The following RFX2 variants were observed in gnomAD, a reference collection of about 807,000 sequenced individuals.
The protein encoded by RFX2 is DNA-binding protein RFX2.
RFX2 carries 20 observed loss-of-function variants against 87.8 expected under a neutral mutation model. The ratio of observed to expected loss-of-function variants is 0.23; its 90% CI spans 0.16 to 0.33. RFX2 has a LOEUF of 0.33. Among genes scored for constraint, RFX2 ranks in the 10% least tolerant of loss-of-function variants. The pLI is 1.00. For synonymous variants in RFX2, 397 were observed against 431.3 expected (o/e 0.92, Z 0.98); for missense variants, 767 against 1,012.3 (o/e 0.76, Z 3.29).
intron 5 of RFX2, among the ~76,000 whole-genome samples, chr19:6,035,848 GGGGT>G (rs1172617569): frequency 0.05 from 4,235 of 85,338 alleles, 128 homozygotes; most frequent in African/African-American, 0.17. Context: ...AGCTTGGTGG[GGGGT>G]GTGTGTGTGT....
chr19:6,055,859 C>G (rs76986027), intron 1 of RFX2, among the ~76,000 whole-genome samples: 2 of 152,274 alleles, frequency 1.3e-5, no homozygotes, highest in East Asian at 3.9e-4. Context: ...AGGAATACTA[C>G]TGGAATACTC....
At chr19:6,042,565 C>T (rs2087126649) in intron 3 of RFX2, among the ~76,000 whole-genome samples, 2 of 152,134 alleles carry the variant, frequency 1.3e-5, no homozygotes, top group African/African-American at 4.8e-5. Context: ...AGCTGGCGTG[C>T]AGGCTGCAGT....
chr19:6,002,277 T>G lies in RFX2; in HGVS notation c.1651-254A>C, dbSNP rs10416286. On this transcript the variant is annotated intron_variant, in intron 14 of 17. Coordinates refer to ENST00000303657, the MANE Select transcript of RFX2 (RefSeq NM_000635.4). This position sits in a 1 kb window ranked among gnomAD's most constrained non-coding sequence, Gnocchi z 6.7. ...CAAAGCTCATGCTATATGAGGTCTT[T>G]GTTTAGCTTTGTTTCAAAGGGGTCA... Among the ~76,000 whole-genome samples the G allele has an allele frequency of 6.6e-6, 1 of 152,254 alleles. No homozygotes were observed. The highest frequency in any genetic ancestry group is 6.5e-5 in the Admixed American group (1 of 15,292).
chr19:5,995,159 G>A (rs533834229), intron 17 of RFX2, among the ~76,000 whole-genome samples: 13 of 152,324 alleles, frequency 8.5e-5, no homozygotes, highest in South Asian at 4.1e-4. Context: ...CGGGCCAGGC[G>A]AAAGAGCCTC....
At chr19:6,108,501 CATT>C (rs968138003) in intron 1 of RFX2, among the ~76,000 whole-genome samples, 6 of 152,202 alleles carry the variant, frequency 3.9e-5, no homozygotes, top group African/African-American at 1.4e-4. Flanking sequence ...TGTTTTGTGT[CATT>C]ATTATTATTA....
rs2086743017 is a variant in RFX2 at position 6,017,410 on chromosome 19, G to A, written c.598-1139C>T. Among the ~76,000 whole-genome samples the A allele has an allele frequency of 6.6e-6, 1 of 152,184 alleles. No individual in the cohort carries two copies. Among genetic ancestry groups the A allele is most frequent in the Non-Finnish European group, 1.5e-5 (1 of 68,030 alleles). The stretch of plus-strand genomic sequence containing the variant: ...CCCACCAACTGATGCCCTCACCCAG[G>A]TGCCTTAAAGACTGCGGCTTAATTC... On this transcript the variant is annotated intron_variant, in intron 6 of 17. Coordinates refer to ENST00000303657, the MANE Select transcript of RFX2 (RefSeq NM_000635.4). The surrounding 1 kb of genome is among the most constrained non-coding windows in gnomAD (Gnocchi z 4.1).
intron 5 of RFX2, among the ~76,000 whole-genome samples, chr19:6,035,830 T>A (rs1028248791): frequency 6.7e-6 from 1 of 149,144 alleles, no homozygotes; most frequent in Non-Finnish European, 1.5e-5. Context: ...AGATGATGAC[T>A]CCCCCAGAGC....
Position 6,088,211 on chromosome 19 carries a change from CTTTTTT to C in RFX2, c.-9+22176_-9+22181del, listed in dbSNP as rs1030226963. Among the ~76,000 whole-genome samples the C allele has an allele frequency of 9.5e-5, 8 of 84,410 alleles. No homozygotes were observed. In the South Asian group the frequency reaches 1.4e-3, roughly 15 times the overall value. The allele number at this position is 84,410 out of a possible 152,430, so 55.4% of individuals were successfully genotyped here. ...ACAGAGAAGGGCCAGGGCACTACAGCTTTTTTTTTTTTTTTTTTTTTTTTTGAGACG... is the reference window on the plus strand; with the variant it reads ...ACAGAGAAGGGCCAGGGCACTACAGCTTTTTTTTTTTTTTTTTTTGAGACG... On this transcript the variant is annotated intron_variant, in intron 1 of 17. Coordinates refer to ENST00000303657, the MANE Select transcript of RFX2 (RefSeq NM_000635.4).
intron 17 of RFX2, among the ~76,000 whole-genome samples, chr19:5,995,168 T>G (rs553580109): frequency 2.0e-5 from 3 of 152,288 alleles, no homozygotes; most frequent in South Asian, 4.1e-4. Flanking sequence ...CGAAAGAGCC[T>G]CTGCCCTGTG....
chr19:6,046,011 A>G (rs774866484), intron 2 of RFX2, among the ~76,000 whole-genome samples: 12 of 152,054 alleles, frequency 7.9e-5, no homozygotes, highest in Non-Finnish European at 1.8e-4. Flanking sequence ...TTAAAACCAT[A>G]ATCATTTCTT....
At chr19:6,094,523 C>T (rs532154860) in intron 1 of RFX2, among the ~76,000 whole-genome samples, 5 of 152,120 alleles carry the variant, frequency 3.3e-5, no homozygotes, top group Non-Finnish European at 7.4e-5. Context: ...AGTATCTGCA[C>T]GCCAGTAAGT....
rs576230019 is a variant in RFX2 at position 6,000,972 on chromosome 19, C to G, written c.1859+843G>C. 7.2e-5 allele frequency among the ~76,000 whole-genome samples: 11 copies of G among 152,338 alleles called. No individual in the cohort carries two copies. The East Asian group carries it at 1.9e-3, about 27-fold the overall frequency. The stretch of plus-strand genomic sequence containing the variant: ...ACTCAGGGAGACTAAAACTCCTTGA[C>G]AGAACTGCAGGAGGCATCTTGGTGC... On this transcript the variant is annotated intron_variant, in intron 15 of 17. Coordinates refer to ENST00000303657, the MANE Select transcript of RFX2 (RefSeq NM_000635.4).
chr19:6,002,803 G>A lies in RFX2; in HGVS notation c.1568C>T (p.Ala523Val), dbSNP rs2086510669. ...RYTSLNHLAQ[A>V]ARAVLQNTSQ... The stretch of plus-strand genomic sequence containing the variant: ...CGTGTTCTGCAGCACCGCCCGGGCC[G>A]CCTGCGCCAGGTGGTTGAGGGACGT... The change falls in exon 14 of 18, where the codon GCG (alanine) becomes GTG (valine). Residue 523 changes from alanine to valine, a missense_variant. Around this residue, in one of 2 missense-constraint regions of RFX2, gnomAD observed 621 missense variants for 873.0 expected, o/e 0.71. Transcript: ENST00000303657. This position sits in a 1 kb window ranked among gnomAD's most constrained non-coding sequence, Gnocchi z 6.7. 1 of 1,613,548 alleles carries A rather than the reference G, an allele frequency of 6.2e-7. No individual in the cohort carries two copies.
At chr19:6,048,798 G>A (rs1049022355) in intron 1 of RFX2, among the ~76,000 whole-genome samples, 1 of 152,350 alleles carries the variant, frequency 6.6e-6, no homozygotes, top group South Asian at 2.1e-4. Flanking sequence ...AGGGATATGT[G>A]TGTTTGAATT....
At chr19:6,048,152 G>C (rs893956818) in intron 1 of RFX2, among the ~76,000 whole-genome samples, 38 of 152,240 alleles carry the variant, frequency 2.5e-4, no homozygotes, top group African/African-American at 8.7e-4. Context: ...GCTAGGGAGA[G>C]AAAAGGTGAC....
At chr19:6,003,144 G>T (rs952244840) in intron 13 of RFX2, among the ~76,000 whole-genome samples, 4 of 152,206 alleles carry the variant, frequency 2.6e-5, no homozygotes, top group African/African-American at 9.7e-5. Context: ...CCCACTTCTA[G>T]AGTCCCTGTG....
chr19:6,057,908 G>A (rs553389277), intron 1 of RFX2, among the ~76,000 whole-genome samples: 2 of 152,244 alleles, frequency 1.3e-5, no homozygotes, highest in South Asian at 2.1e-4. Flanking sequence ...TAAGTGATGC[G>A]TGTTTTAAGA....
Position 6,023,355 on chromosome 19 carries a change from C to G in RFX2, c.597+2808G>C, listed in dbSNP as rs1041832422. On this transcript the variant is annotated intron_variant, in intron 6 of 17. Transcript: ENST00000303657. This position sits in a 1 kb window ranked among gnomAD's most constrained non-coding sequence, Gnocchi z 4.9. ...ACCTGCAGAAGGCCGCTGCCCACCA[C>G]GACCTCAGTCTCAGCCACAGGCAGC... The G allele has an allele frequency of 9.2e-5, 14 of 152,436 alleles. No homozygotes were observed. The highest frequency in any genetic ancestry group is 3.4e-4 in the African/African-American group (14 of 41,584). 9.4% of individuals were successfully genotyped at this position (152,436 alleles called of 1,614,324 possible). A position where few individuals can be genotyped will look rare whatever the true frequency, so the allele number is the denominator to read the frequency against.
At chr19:6,097,097 A>G (rs1208459249) in intron 1 of RFX2, among the ~76,000 whole-genome samples, 1 of 152,216 alleles carries the variant, frequency 6.6e-6, no homozygotes, top group Admixed American at 6.5e-5. Context: ...AGTGAGTAGA[A>G]AAGAGGGCAG....
Sources: gnomAD v4.1 joint callset for allele counts (sites outside exome capture counted in the v4.1 genomes callset) on GRCh38, gnomAD v4.1.1 for gene constraint, gnomAD v4.1.1 regional missense constraint, Gnocchi (gnomAD v3.1) non-coding constraint, MANE v1.5 for transcripts, NCBI Gene and HGNC (gene_info 2026-07-23, HGNC 2026-07-21) for gene names.